Variants in LUZP2 observed in about 807,000 individuals in gnomAD.
The protein encoded by LUZP2 is leucine zipper protein 2.
LUZP2 carries 52 observed loss-of-function variants against 51.6 expected under a neutral mutation model. That is an observed-to-expected ratio of 1.01 (90% CI 0.81 to 1.27). The LOEUF is 1.27. Among genes scored for constraint, LUZP2 ranks in the 50% most tolerant of loss-of-function variants. The pLI, the probability that LUZP2 is intolerant of heterozygous loss-of-function variation, is 0.00. For synonymous variants in LUZP2, 154 were observed against 137.3 expected (o/e 1.12, Z -0.85); for missense variants, 436 against 395.4 (o/e 1.10, Z -0.87).
chr11:24,874,121 A>C (rs1460416731), intron 5 of LUZP2, among the ~76,000 whole-genome samples: 2 of 152,204 alleles, frequency 1.3e-5, no homozygotes, highest in African/African-American at 2.4e-5. Context: ...GTGTGTGCGT[A>C]AGACTCACCT....
intron 1 of LUZP2, among the ~76,000 whole-genome samples, chr11:24,677,825 C>T (rs999348609): frequency 6.6e-6 from 1 of 151,868 alleles, no homozygotes; most frequent in African/African-American, 2.4e-5. Context: ...CGAGGCGGGC[C>T]GATCACGAGG....
chr11:25,041,408 G>T (rs1858054883), intron 9 of LUZP2, among the ~76,000 whole-genome samples: 1 of 151,782 alleles, frequency 6.6e-6, no homozygotes, highest in African/African-American at 2.4e-5. Flanking sequence ...TCAAACCTTG[G>T]TTGACCTCAG....
At chr11:24,584,172 G>A (rs1490829433) in intron 1 of LUZP2, among the ~76,000 whole-genome samples, 1 of 152,016 alleles carries the variant, frequency 6.6e-6, no homozygotes, top group Non-Finnish European at 1.5e-5. Flanking sequence ...TAGCCTTATT[G>A]AGATACCAAC....
chr11:24,564,886 A>G (rs185393875), intron 1 of LUZP2, among the ~76,000 whole-genome samples: 246 of 152,264 alleles, frequency 1.6e-3, no homozygotes, highest in Non-Finnish European at 2.4e-3. Context: ...TTGAAAAAGT[A>G]TATGTTTGAG....
In LUZP2 at chr11:25,003,313, G is replaced by T. The variant is rs192599358; in HGVS notation, c.765+20020G>T. Among the ~76,000 whole-genome samples the T allele has an allele frequency of 9.3e-4, 141 of 152,350 alleles. 1 individual carries two copies. The Middle Eastern group carries it at 0.01, about 11-fold the overall frequency. ...CCTTGGGGCAAGATGGTCCACGTAA[G>T]TTGGGATGTGTGGTCTGTGGGATCC... On this transcript the variant is annotated intron_variant, in intron 9 of 11. Transcript: ENST00000336930.
intron 1 of LUZP2, among the ~76,000 whole-genome samples, chr11:24,518,535 G>A (rs1309630943): frequency 2.0e-5 from 3 of 152,152 alleles, no homozygotes; most frequent in Non-Finnish European, 4.4e-5. Flanking sequence ...AATTATTAAA[G>A]AGTATAGTTA....
At chr11:25,076,696 A>T (rs79238649) in intron 10 of LUZP2, among the ~76,000 whole-genome samples, 3,877 of 147,076 alleles carry the variant, frequency 0.026, 151 homozygotes, top group East Asian at 0.079. Flanking sequence ...GAATATTTTA[A>T]CCCTGGTTAA....
At chr11:24,738,412 G>GAATAA in intron 4 of LUZP2, 110 bp downstream of exon 4, 2 of 707,728 alleles carry the variant, frequency 2.8e-6, no homozygotes, top group Non-Finnish European at 4.9e-6. Flanking sequence ...AAAGTGAAAA[G>GAATAA]ACAATAAAAG....
At chr11:25,059,438 A>G (rs1264301048) in intron 10 of LUZP2, among the ~76,000 whole-genome samples, 6 of 152,218 alleles carry the variant, frequency 3.9e-5, no homozygotes, top group Admixed American at 3.3e-4. Context: ...GTGATTATAA[A>G]TTCAGTCATC....
intron 1 of LUZP2, among the ~76,000 whole-genome samples, chr11:24,712,362 A>G (rs970223480): frequency 6.6e-6 from 1 of 152,098 alleles, no homozygotes. Context: ...TCGAGGCTAT[A>G]TCACTCCACT....
At chr11:24,643,838 A>G (rs1855383748) in intron 1 of LUZP2, among the ~76,000 whole-genome samples, 1 of 152,154 alleles carries the variant, frequency 6.6e-6, no homozygotes, top group Admixed American at 6.5e-5. Flanking sequence ...CAGTGTTGGG[A>G]AATTCTCTGT....
intron 5 of LUZP2, among the ~76,000 whole-genome samples, chr11:24,832,319 T>C (rs1459409984): frequency 1.3e-5 from 2 of 151,910 alleles, no homozygotes; most frequent in Non-Finnish European, 2.9e-5. Context: ...ACAGCCCTGA[T>C]CATCAAGCAA....
intron 1 of LUZP2, among the ~76,000 whole-genome samples, chr11:24,582,146 G>A (rs1455184428): frequency 6.6e-6 from 1 of 152,052 alleles, no homozygotes; most frequent in Non-Finnish European, 1.5e-5. Context: ...AACTACAACA[G>A]TGAGAATGAT....
intron 1 of LUZP2, among the ~76,000 whole-genome samples, chr11:24,617,366 A>G (rs964808449): frequency 6.6e-6 from 1 of 151,850 alleles, no homozygotes; most frequent in Non-Finnish European, 1.5e-5. Context: ...ATTTGTTTAG[A>G]GTGTGTTCAT....
chr11:24,842,688 G>T (rs1186469727), intron 5 of LUZP2, among the ~76,000 whole-genome samples: 6 of 151,708 alleles, frequency 4.0e-5, no homozygotes, highest in African/African-American at 7.3e-5. Flanking sequence ...GGTCAGGGAA[G>T]AAATAATAAT....
At chr11:24,707,765 A>G (rs534742026) in intron 1 of LUZP2, among the ~76,000 whole-genome samples, 4 of 152,158 alleles carry the variant, frequency 2.6e-5, no homozygotes, top group Non-Finnish European at 4.4e-5. Flanking sequence ...TTATATATAA[A>G]GTTTCGGTAC....
intron 1 of LUZP2, among the ~76,000 whole-genome samples, chr11:24,544,198 A>G (rs968245683): frequency 2.0e-5 from 3 of 152,040 alleles, no homozygotes; most frequent in Non-Finnish European, 4.4e-5. Context: ...GGTTCCGATG[A>G]TCATCTTCAG....
chr11:24,676,723 G>A (rs1856565523), intron 1 of LUZP2, among the ~76,000 whole-genome samples: 1 of 151,978 alleles, frequency 6.6e-6, no homozygotes, highest in Admixed American at 6.6e-5. Context: ...GAGTGCAGTG[G>A]TGTGATCTTG....
intron 5 of LUZP2, among the ~76,000 whole-genome samples, chr11:24,821,009 A>C (rs1850341451): frequency 6.6e-6 from 1 of 152,136 alleles, no homozygotes; most frequent in Non-Finnish European, 1.5e-5. Flanking sequence ...AAAAGCAACA[A>C]ATTGGAGTGT....
Sources: gnomAD v4.1 joint callset for allele counts (sites outside exome capture counted in the v4.1 genomes callset) on GRCh38, gnomAD v4.1.1 for gene constraint, MANE v1.5 for transcripts, NCBI Gene and HGNC (gene_info 2026-07-23, HGNC 2026-07-21) for gene names.